Variants in SCAPER observed in about 807,000 individuals in gnomAD.
The protein encoded by SCAPER is S-phase cyclin A associated protein in the ER.
In SCAPER, 98 loss-of-function variants were observed where a neutral mutation model predicts 182.2. The observed-to-expected ratio is 0.54, with a 90% CI of 0.46 to 0.64. The LOEUF (loss-of-function observed/expected upper bound fraction) is 0.64, where lower values mean the gene tolerates loss of function less well. Ranked by LOEUF, SCAPER falls within the 30% of genes least tolerant of loss-of-function variation. The pLI is 0.00. For missense variants in SCAPER, 1,432 were observed against 1,690.0 expected, an observed-to-expected ratio of 0.85 and a Z score of 2.68; for synonymous variants, 605 against 564.6, an observed-to-expected ratio of 1.07 and a Z score of -1.01.
rs764234123 is a variant in SCAPER, at chr15:76,354,126, G to A, written c.3870C>T (p.Ser1290=). ...TCTGCAGCACTGTGGGGTGGCGGCC[G>A]GACTGCACGATCACCTGAAATGGAA... The part of the protein sequence containing the change: ...NHPDNQVIVQ[S]GRHPTVLQKL... The change falls in exon 30 of 32, where the codon TCC becomes TCT. Residue 1290 remains serine (S), a synonymous_variant. Transcript: ENST00000563290. The surrounding 1 kb of genome is among the most constrained non-coding windows in gnomAD (Gnocchi z 4.4). The A allele has an allele frequency of 1.1e-5, 18 of 1,604,038 alleles. No individual in the cohort carries two copies. The highest frequency in any genetic ancestry group is 5.2e-5 in the Admixed American group (3 of 57,422).
At chr15:76,618,088 C>A (rs750134993) in intron 22 of SCAPER, among the ~76,000 whole-genome samples, 1 of 152,006 alleles carries the variant, frequency 6.6e-6, no homozygotes, top group African/African-American at 2.4e-5. Context: ...GGTGAAACCC[C>A]GTCTCTACTA....
chr15:76,722,268 G>A lies in SCAPER; in HGVS notation c.2165+6327C>T, dbSNP rs2060292514. The stretch of plus-strand genomic sequence containing the variant: ...ATGTTGAACCAGCCTTGCATCCCAG[G>A]GATGAAGCCCACTTGATCATGGTGG... On this transcript the variant is annotated intron_variant, in intron 17 of 31. Coordinates refer to ENST00000563290, the MANE Select transcript of SCAPER (RefSeq NM_020843.4). Among the ~76,000 whole-genome samples, 3 of 152,140 alleles carry A rather than the reference G, an allele frequency of 2.0e-5. 1 individual carries two copies. The South Asian group carries it at 6.2e-4, about 32-fold the overall frequency.
intron 22 of SCAPER, among the ~76,000 whole-genome samples, chr15:76,612,638 G>A (rs189805769): frequency 1.2e-4 from 19 of 152,262 alleles, no homozygotes; most frequent in South Asian, 2.1e-4. Flanking sequence ...CAGTCAAGCT[G>A]AGTGCCAAAT....
rs556951622 is a variant in SCAPER, at chr15:76,558,618, G to A, written c.2838+15540C>T. On this transcript the variant is annotated intron_variant, in intron 23 of 31. Coordinates refer to ENST00000563290, the MANE Select transcript of SCAPER (RefSeq NM_020843.4). ...AGCCACTGTGGAAAGCAGTTGTGAT[G>A]CTTTCTCAGAGAACTTAGAACTACC... 5.3e-5 allele frequency among the ~76,000 whole-genome samples: 8 copies of A among 152,320 alleles called. 1 individual carries two copies. Among genetic ancestry groups the A allele is most frequent in the African/African-American group, 1.9e-4 (8 of 41,570 alleles).
rs1452064144 is a variant in SCAPER, at chr15:76,599,765, A to C, written c.2711+21999T>G. Among the ~76,000 whole-genome samples the C allele has an allele frequency of 2.5e-5, 3 of 121,512 alleles. 1 individual carries two copies. Among genetic ancestry groups the C allele is most frequent in the Non-Finnish European group, 6.0e-5 (3 of 50,014 alleles). 79.7% of individuals were successfully genotyped at this position (121,512 alleles called of 152,430 possible). ...AGTGGTTGCCTCTTGGGTGGGAGTA[A>C]AGGGATTCACCAAGGACATATAATA... On this transcript the variant is annotated intron_variant, in intron 22 of 31. Transcript: ENST00000563290.
chr15:76,798,650 G>C (rs1317067328), intron 7 of SCAPER, among the ~76,000 whole-genome samples: 4 of 152,050 alleles, frequency 2.6e-5, no homozygotes, highest in African/African-American at 9.7e-5. Context: ...AGACAATCTT[G>C]AAAGAATCAA....
chr15:76,701,237 T>C (rs1332615861), intron 20 of SCAPER, among the ~76,000 whole-genome samples: 1 of 152,218 alleles, frequency 6.6e-6, no homozygotes, highest in Non-Finnish European at 1.5e-5. Flanking sequence ...AAAAATTTAC[T>C]ATAATAAATA....
At chr15:76,652,371 C>CACACAAATAT (rs764864981) in intron 21 of SCAPER, among the ~76,000 whole-genome samples, 1 of 8,060 alleles carries the variant, frequency 1.2e-4, no homozygotes, top group Non-Finnish European at 2.1e-4. Flanking sequence ...CACACACACA[C>CACACAAATAT]ATATATATAT....
chr15:76,441,396 G>C (rs1341981945), intron 25 of SCAPER, among the ~76,000 whole-genome samples: 1 of 152,104 alleles, frequency 6.6e-6, no homozygotes, highest in Admixed American at 6.5e-5. Context: ...ATGCCTTAGT[G>C]GTCATGATGC....
intron 8 of SCAPER, among the ~76,000 whole-genome samples, chr15:76,789,083 G>A (rs1056542307): frequency 1.3e-5 from 2 of 151,818 alleles, no homozygotes; most frequent in Non-Finnish European, 2.9e-5. Flanking sequence ...AATATAAATA[G>A]GCATTTTCTT....
At chr15:76,800,912 C>T (rs1198752352) in intron 6 of SCAPER, among the ~76,000 whole-genome samples, 1 of 152,152 alleles carries the variant, frequency 6.6e-6, no homozygotes, top group African/African-American at 2.4e-5. Context: ...GTCTACTCCT[C>T]CTCCTTCCTT....
chr15:76,620,676 G>A (rs1042227451), intron 22 of SCAPER, among the ~76,000 whole-genome samples: 1 of 152,112 alleles, frequency 6.6e-6, no homozygotes, highest in African/African-American at 2.4e-5. Context: ...TCAACTTGGG[G>A]CACTTAAATT....
intron 26 of SCAPER, among the ~76,000 whole-genome samples, chr15:76,424,547 A>G (rs1429891479): frequency 6.6e-6 from 1 of 152,140 alleles, no homozygotes; most frequent in Admixed American, 6.6e-5. Context: ...AATACAGCAC[A>G]TTGATGGGTC....
At chr15:76,505,530 C>A (rs2143844741) in intron 23 of SCAPER, among the ~76,000 whole-genome samples, 1 of 152,242 alleles carries the variant, frequency 6.6e-6, no homozygotes, top group African/African-American at 2.4e-5. Context: ...AAATGCAAAT[C>A]AAAACTACAG....
At chr15:76,709,031 A>C (rs2059420090) in intron 17 of SCAPER, among the ~76,000 whole-genome samples, 1 of 152,152 alleles carries the variant, frequency 6.6e-6, no homozygotes, top group Non-Finnish European at 1.5e-5. Context: ...GCACCACTGC[A>C]CTCCAGCCTG....
intron 20 of SCAPER, among the ~76,000 whole-genome samples, chr15:76,669,822 T>C (rs577104478): frequency 1.3e-5 from 2 of 152,372 alleles, no homozygotes; most frequent in South Asian, 2.1e-4. Context: ...ATTTGATCAC[T>C]ACACTGAGGA....
chr15:76,625,407 G>A (rs1161140676), intron 21 of SCAPER, among the ~76,000 whole-genome samples: 2 of 152,152 alleles, frequency 1.3e-5, no homozygotes, highest in Non-Finnish European at 2.9e-5. Flanking sequence ...CTGTTGGCAG[G>A]GAAGTTCATT....
At chr15:76,400,925 T>A (rs2044412616) in intron 27 of SCAPER, among the ~76,000 whole-genome samples, 1 of 151,474 alleles carries the variant, frequency 6.6e-6, no homozygotes, top group Non-Finnish European at 1.5e-5. Context: ...TAATTAAAAA[T>A]TTTAAATAAA....
intron 5 of SCAPER, among the ~76,000 whole-genome samples, chr15:76,807,719 T>C (rs956238530): frequency 7.5e-6 from 1 of 133,552 alleles, no homozygotes; most frequent in African/African-American, 2.8e-5. Flanking sequence ...GAATGTGATA[T>C]TAACTAACAT....
Sources: gnomAD v4.1 joint callset for allele counts (sites outside exome capture counted in the v4.1 genomes callset) on GRCh38, gnomAD v4.1.1 for gene constraint, Gnocchi (gnomAD v3.1) non-coding constraint, MANE v1.5 for transcripts, NCBI Gene and HGNC (gene_info 2026-07-23, HGNC 2026-07-21) for gene names.